Variants in ATXN1 observed in about 807,000 individuals in gnomAD.
The protein encoded by ATXN1 is ataxin 1.
ATXN1 carries 8 observed loss-of-function variants against 56.4 expected under a neutral mutation model. The ratio of observed to expected loss-of-function variants is 0.14; its 90% CI spans 0.08 to 0.26. The LOEUF (loss-of-function observed/expected upper bound fraction) is 0.26. ATXN1 is among the 10% of genes least tolerant of loss of function. The pLI is 1.00. For missense variants in ATXN1, 987 were observed against 1,106.5 expected (o/e 0.89, Z 1.53); for synonymous variants, 514 against 494.6 (o/e 1.04, Z -0.52).
chr6:16,517,632 T>C (rs1246464954), intron 5 of ATXN1, among the ~76,000 whole-genome samples: 1 of 152,168 alleles, frequency 6.6e-6, no homozygotes, highest in East Asian at 1.9e-4. Context: ...GTAAAAGATA[T>C]GTAAACAAAT....
At chr6:16,308,227 G>A (rs575344426) in intron 7 of ATXN1, among the ~76,000 whole-genome samples, 3 of 152,198 alleles carry the variant, frequency 2.0e-5, no homozygotes, top group Non-Finnish European at 4.4e-5. Context: ...TCAGGAGGCT[G>A]AGGCAAGAGA....
intron 6 of ATXN1, among the ~76,000 whole-genome samples, chr6:16,446,118 G>A (rs983938662): frequency 2.6e-5 from 4 of 151,236 alleles, no homozygotes; most frequent in Non-Finnish European, 4.4e-5. Context: ...CACAATGGTT[G>A]AACTAGTTTA....
chr6:16,563,123 A>G (rs1466436059), intron 4 of ATXN1, among the ~76,000 whole-genome samples: 1 of 152,140 alleles, frequency 6.6e-6, no homozygotes, highest in Non-Finnish European at 1.5e-5. Context: ...AAGAGAGTAG[A>G]AGGATTCATG....
chr6:16,545,572 G>C (rs749333466), intron 4 of ATXN1, among the ~76,000 whole-genome samples: 11 of 152,216 alleles, frequency 7.2e-5, no homozygotes, highest in Admixed American at 3.3e-4. Flanking sequence ...TTGCCTACTA[G>C]AACTTTTAAA....
At chr6:16,467,028 C>T (rs950389225) in intron 6 of ATXN1, among the ~76,000 whole-genome samples, 2 of 152,146 alleles carry the variant, frequency 1.3e-5, no homozygotes, top group Non-Finnish European at 2.9e-5. Context: ...ATGACTTCAA[C>T]AGCCACATCC....
chr6:16,370,473 T>C (rs1227054236), intron 6 of ATXN1, among the ~76,000 whole-genome samples: 1 of 152,224 alleles, frequency 6.6e-6, no homozygotes, highest in African/African-American at 2.4e-5. Context: ...AACTTGTGTT[T>C]AGGTTATCTT....
intron 4 of ATXN1, among the ~76,000 whole-genome samples, chr6:16,560,966 T>C (rs913621164): frequency 6.6e-6 from 1 of 152,210 alleles, no homozygotes; most frequent in South Asian, 2.1e-4. Context: ...TCTTTGTTCA[T>C]AGGAGAACAA....
chr6:16,514,931 C>A (rs538875802), intron 5 of ATXN1, among the ~76,000 whole-genome samples: 12 of 151,466 alleles, frequency 7.9e-5, no homozygotes, highest in Admixed American at 7.9e-4. Context: ...TGCAGTGAGC[C>A]GAGATCACGC....
At chr6:16,722,895 T>G (rs1166988292) in intron 2 of ATXN1, among the ~76,000 whole-genome samples, 1 of 152,210 alleles carries the variant, frequency 6.6e-6, no homozygotes, top group African/African-American at 2.4e-5. Context: ...AAAAGATCTG[T>G]TATGTTTAAG....
chr6:16,554,708 C>G (rs538054169), intron 4 of ATXN1, among the ~76,000 whole-genome samples: 1 of 152,160 alleles, frequency 6.6e-6, no homozygotes, highest in East Asian at 1.9e-4. Flanking sequence ...CCCACCTCAG[C>G]GTCCCAAAGT....
At chr6:16,640,690 A>G (rs1763692771) in intron 3 of ATXN1, among the ~76,000 whole-genome samples, 1 of 145,334 alleles carries the variant, frequency 6.9e-6, no homozygotes, top group South Asian at 2.1e-4. Flanking sequence ...CTCAAAAAAG[A>G]AAAAAAAAAA....
intron 5 of ATXN1, among the ~76,000 whole-genome samples, chr6:16,512,262 C>T (rs1761098190): frequency 6.6e-6 from 1 of 152,146 alleles, no homozygotes; most frequent in Admixed American, 6.5e-5. Flanking sequence ...TTTGAGTATC[C>T]GTAAATAACT....
chr6:16,422,617 T>C (rs377098762), intron 6 of ATXN1, among the ~76,000 whole-genome samples: 38 of 152,336 alleles, frequency 2.5e-4, no homozygotes, highest in African/African-American at 8.9e-4. Flanking sequence ...CAGTATTAAT[T>C]GTTCCTTCCT....
At chr6:16,390,865 A>G (rs146416592) in intron 6 of ATXN1, among the ~76,000 whole-genome samples, 1 of 152,170 alleles carries the variant, frequency 6.6e-6, no homozygotes, top group African/African-American at 2.4e-5. Flanking sequence ...AAAATTGTCA[A>G]AGATAATAGT....
rs760711844 is a variant in ATXN1, at chr6:16,414,376, T to C, written c.-161+71596A>G. On this transcript the variant is annotated intron_variant, in intron 6 of 7. Transcript: ENST00000436367. ...ATCCAACCCATTTTGGTATGATTCT[T>C]GCAGTTACTAAGGCCTGGCCTTCAT... Among the ~76,000 whole-genome samples the C allele has an allele frequency of 2.0e-5, 3 of 152,226 alleles. 1 individual carries two copies. Among genetic ancestry groups the C allele is most frequent in the Non-Finnish European group, 4.4e-5 (3 of 68,032 alleles).
chr6:16,582,423 G>C (rs1399161253), intron 4 of ATXN1, among the ~76,000 whole-genome samples: 1 of 152,168 alleles, frequency 6.6e-6, no homozygotes, highest in East Asian at 1.9e-4. Flanking sequence ...AAATGAGTGA[G>C]GAATGACTGA....
chr6:16,373,651 A>G (rs1321348672), intron 6 of ATXN1, among the ~76,000 whole-genome samples: 1 of 152,188 alleles, frequency 6.6e-6, no homozygotes, highest in Non-Finnish European at 1.5e-5. Flanking sequence ...CGTGGTAGTG[A>G]ATAAGTCTCA....
At chr6:16,316,284 ATCT>A (rs564542578) in intron 7 of ATXN1, among the ~76,000 whole-genome samples, 4 of 152,204 alleles carry the variant, frequency 2.6e-5, no homozygotes, top group African/African-American at 4.8e-5. Flanking sequence ...CTGCCAAAAA[ATCT>A]TCTTCCATGA....
At chr6:16,446,129 C>T (rs912094664) in intron 6 of ATXN1, among the ~76,000 whole-genome samples, 4 of 151,164 alleles carry the variant, frequency 2.6e-5, no homozygotes, top group African/African-American at 9.7e-5. Flanking sequence ...AACTAGTTTA[C>T]AGTCCCACCA....
Sources: gnomAD v4.1 joint callset for allele counts (sites outside exome capture counted in the v4.1 genomes callset) on GRCh38, gnomAD v4.1.1 for gene constraint, MANE v1.5 for transcripts, NCBI Gene and HGNC (gene_info 2026-07-23, HGNC 2026-07-21) for gene names.